PLEKHG1: variants seen among roughly 807,000 people sequenced by gnomAD.
PLEKHG1 encodes the protein pleckstrin homology domain-containing family G member 1.
PLEKHG1 carries 44 observed loss-of-function variants against 100.8 expected under a neutral mutation model. That is an observed-to-expected ratio of 0.44 (90% CI 0.34 to 0.56). PLEKHG1 has a LOEUF of 0.56. Among genes scored for constraint, PLEKHG1 ranks in the 20% least tolerant of loss-of-function variants. The pLI, the probability that PLEKHG1 is intolerant of heterozygous loss-of-function variation, is 0.01. For missense variants in PLEKHG1, 1,545 were observed against 1,720.9 expected (o/e 0.90, Z 1.81); for synonymous variants, 640 against 662.5 (o/e 0.97, Z 0.52).
At chr6:150,641,087 A>C (rs770202092) in intron 2 of PLEKHG1, among the ~76,000 whole-genome samples, 6 of 152,142 alleles carry the variant, frequency 3.9e-5, no homozygotes, top group Non-Finnish European at 4.4e-5. Flanking sequence ...CACACAGCCA[A>C]ATGCCCCCAC....
intron 3 of PLEKHG1, among the ~76,000 whole-genome samples, chr6:150,697,526 C>A (rs1223781176): frequency 6.6e-6 from 1 of 152,102 alleles, no homozygotes; most frequent in Non-Finnish European, 1.5e-5. Context: ...CTGGTGTGGT[C>A]CTGAACAAGC....
chr6:150,774,329 C>A (rs528387161), intron 3 of PLEKHG1, among the ~76,000 whole-genome samples: 1 of 152,090 alleles, frequency 6.6e-6, no homozygotes, highest in African/African-American at 2.4e-5. Context: ...CTTTTTTCCT[C>A]TTTTGCTAAA....
chr6:150,827,120 TC>T (rs1290160927), intron 14 of PLEKHG1, among the ~76,000 whole-genome samples: 2 of 150,912 alleles, frequency 1.3e-5, no homozygotes, highest in African/African-American at 4.9e-5. Context: ...GTCTCTAGTT[TC>T]TGGGCTCAAG....
intron 14 of PLEKHG1, chr6:150,827,751 G>C (rs772035694): frequency 2.1e-6 from 3 of 1,404,060 alleles, no homozygotes; most frequent in Non-Finnish European, 2.0e-6. Flanking sequence ...GGAAGAATTG[G>C]AAGAGGAGGC....
chr6:150,643,795 A>C (rs1465699308), intron 2 of PLEKHG1, among the ~76,000 whole-genome samples: 1 of 152,164 alleles, frequency 6.6e-6, no homozygotes, highest in Non-Finnish European at 1.5e-5. Flanking sequence ...TCATGTATCT[A>C]CTGGTTAGGA....
chr6:150,637,220 C>T (rs750836664), intron 1 of PLEKHG1, among the ~76,000 whole-genome samples: 9 of 152,150 alleles, frequency 5.9e-5, no homozygotes, highest in Admixed American at 1.3e-4. Flanking sequence ...TTATTCACTG[C>T]GGAGCCGAGT....
chr6:150,727,372 T>G (rs984259689), intron 1 of PLEKHG1, among the ~76,000 whole-genome samples: 9 of 152,154 alleles, frequency 5.9e-5, no homozygotes, highest in African/African-American at 1.9e-4. Flanking sequence ...GCATGAAACC[T>G]AAATCAGCCT....
chr6:150,673,962 C>T (rs1779657252), intron 3 of PLEKHG1, among the ~76,000 whole-genome samples: 2 of 152,142 alleles, frequency 1.3e-5, no homozygotes, highest in Admixed American at 6.6e-5. Context: ...ACCGCGCTCA[C>T]CCTATGAACT....
intron 3 of PLEKHG1, among the ~76,000 whole-genome samples, chr6:150,656,294 G>C (rs1171173369): frequency 6.6e-6 from 1 of 151,978 alleles, no homozygotes; most frequent in Non-Finnish European, 1.5e-5. Context: ...AAAAATACTT[G>C]TTTTCTCTCA....
At chr6:150,633,653 G>A (rs1343203277) in intron 1 of PLEKHG1, among the ~76,000 whole-genome samples, 3 of 152,272 alleles carry the variant, frequency 2.0e-5, no homozygotes, top group Non-Finnish European at 1.5e-5. Context: ...AAGCCTGACT[G>A]GGGTCAGAGA....
At chr6:150,723,496 A>C (rs75333451) in intron 1 of PLEKHG1, among the ~76,000 whole-genome samples, 2,915 of 152,226 alleles carry the variant, frequency 0.019, 98 homozygotes, top group East Asian at 0.057. Context: ...CTATTTTATG[A>C]GTACAAGGAA....
At chr6:150,634,249 C>T (rs537254724) in intron 1 of PLEKHG1, among the ~76,000 whole-genome samples, 13 of 108,930 alleles carry the variant, frequency 1.2e-4, no homozygotes, top group Admixed American at 6.1e-4. Context: ...GATCTCCCCC[C>T]CAAAAAAAAA....
intron 1 of PLEKHG1, among the ~76,000 whole-genome samples, chr6:150,724,767 G>T (rs1293682668): frequency 1.3e-5 from 2 of 151,922 alleles, no homozygotes; most frequent in African/African-American, 4.8e-5. Flanking sequence ...CATCATGTTG[G>T]CCAGGCTGGT....
At chr6:150,741,993 G>A (rs1187449183) in intron 2 of PLEKHG1, among the ~76,000 whole-genome samples, 2 of 152,186 alleles carry the variant, frequency 1.3e-5, no homozygotes, top group Non-Finnish European at 2.9e-5. Context: ...GTGCCCCCTG[G>A]AGGACAAAAT....
intron 3 of PLEKHG1, among the ~76,000 whole-genome samples, chr6:150,784,963 C>A (rs559371012): frequency 6.6e-6 from 1 of 151,124 alleles, no homozygotes; most frequent in Non-Finnish European, 1.5e-5. Flanking sequence ...CACTACCCAG[C>A]GCTTCAGAAA....
chr6:150,732,631 G>C (rs1422870065), intron 1 of PLEKHG1, among the ~76,000 whole-genome samples: 1 of 152,150 alleles, frequency 6.6e-6, no homozygotes, highest in East Asian at 1.9e-4. Context: ...TTGTTGTTTT[G>C]TTTTGAGATA....
intron 2 of PLEKHG1, among the ~76,000 whole-genome samples, chr6:150,649,175 ACTC>A (rs1417998151): frequency 1.3e-5 from 2 of 151,988 alleles, no homozygotes; most frequent in African/African-American, 4.8e-5. Flanking sequence ...CATTGTTTTT[ACTC>A]CTCCTATGCA....
exon 16 of PLEKHG1, chr6:150,840,960 A>G: frequency 1.6e-6 from 2 of 1,255,922 alleles, no homozygotes; most frequent in Non-Finnish European, 2.3e-6. Context: ...ACAGATACTG[A>G]TGAGGTGTTT....
At chr6:150,838,291 G>A (rs993909905) in intron 15 of PLEKHG1, among the ~76,000 whole-genome samples, 1 of 152,200 alleles carries the variant, frequency 6.6e-6, no homozygotes, top group African/African-American at 2.4e-5. Flanking sequence ...TATAGGATGC[G>A]TTAGAGGAAC....
Sources: gnomAD v4.1 joint callset for allele counts (sites outside exome capture counted in the v4.1 genomes callset) on GRCh38, gnomAD v4.1.1 for gene constraint, MANE v1.5 for transcripts, NCBI Gene and HGNC (gene_info 2026-07-23, HGNC 2026-07-21) for gene names.